Variants in MYH15 observed in about 807,000 individuals in gnomAD.
The protein encoded by MYH15 is myosin-15.
MYH15 carries 227 observed loss-of-function variants against 240.5 expected under a neutral mutation model. The observed-to-expected ratio is 0.94, with a 90% CI of 0.85 to 1.05. MYH15 has a LOEUF of 1.05. Among genes scored for constraint, MYH15 ranks in the 50% least tolerant of loss-of-function variants. The pLI, the probability that MYH15 is intolerant of heterozygous loss-of-function variation, is 0.00. For missense variants in MYH15, 2,217 were observed against 2,247.5 expected (o/e 0.99, Z 0.27); for synonymous variants, 785 against 796.7 (o/e 0.99, Z 0.25).
chr3:108,435,489 G>C (rs916867175), intron 25 of MYH15, among the ~76,000 whole-genome samples: 5 of 151,756 alleles, frequency 3.3e-5, no homozygotes, highest in Non-Finnish European at 7.4e-5. Context: ...CCAGCCCTTG[G>C]CAACCACTTT....
At chr3:108,465,939 A>G (rs1233381043) in intron 14 of MYH15, among the ~76,000 whole-genome samples, 2 of 152,016 alleles carry the variant, frequency 1.3e-5, no homozygotes, top group East Asian at 3.8e-4. Context: ...AAAACAAAAA[A>G]ACAAACAAAA....
At chr3:108,467,268 A>G (rs115292784) in intron 14 of MYH15, among the ~76,000 whole-genome samples, 5,170 of 151,422 alleles carry the variant, frequency 0.034, 119 homozygotes, top group Admixed American at 0.067. Flanking sequence ...TAAAGAGAAT[A>G]CTCATGTGCA....
rs143027731 is a variant in MYH15 at position 108,518,874 on chromosome 3, TTTATTA to T, written c.-57-8293_-57-8288del. ...TGCATCATGATAATTTTCATCCTAT[TTTATTA>T]TTATTTGTTTAATTGCCCATCTTCC... On this transcript the variant is annotated intron_variant, in intron 1 of 41. Transcript: ENST00000273353. Among the ~76,000 whole-genome samples the T allele has an allele frequency of 1.0e-2, 1,521 of 152,334 alleles. 24 individuals are homozygous for T. The highest frequency in any genetic ancestry group is 0.035 in the African/African-American group (1,440 of 41,576).
At chr3:108,513,304 C>T (rs938179990), upstream of MYH15, among the ~76,000 whole-genome samples, 20 of 152,078 alleles carry the variant, frequency 1.3e-4, no homozygotes, top group African/African-American at 3.9e-4. Flanking sequence ...ACATGTTTAT[C>T]GGAGAATTCT....
At chr3:108,446,055 CA>C (rs933290155) in intron 21 of MYH15, among the ~76,000 whole-genome samples, 1 of 152,092 alleles carries the variant, frequency 6.6e-6, no homozygotes, top group African/African-American at 2.4e-5. Flanking sequence ...CATGCAGCCC[CA>C]GACTGCAAGC....
chr3:108,484,953 C>A (rs572657825), intron 11 of MYH15, 138 bp downstream of exon 11: 30 of 874,254 alleles, frequency 3.4e-5, no homozygotes, highest in Admixed American at 2.4e-4. Flanking sequence ...TTGACAGAAC[C>A]GTTTTTGAAG....
At chr3:108,499,626 C>G (rs2083421392) in intron 4 of MYH15, 144 bp from the exon 5 acceptor site, 1 of 783,598 alleles carries the variant, frequency 1.3e-6, no homozygotes, top group Admixed American at 2.6e-5. Context: ...AAAAACATAC[C>G]CCTCAAATGG....
rs756335958 is a variant in MYH15 at position 108,454,051 on chromosome 3, T to C, written c.2354A>G (p.Gln785Arg). The change falls in exon 21 of 41, where the codon CAG becomes CGG. Residue 785 changes from glutamine (Q) to arginine (R), a missense_variant. Physicochemically the swap from Gln to Arg is conservative, Grantham distance 43 (BLOSUM62 1). Transcript: ENST00000693548. ...GAATTTGATTCGCATCAGTTTGCCCTGTGCTCTGGCTTGGAACAATGTGAA... is the reference window on the plus strand; with the variant it reads ...GAATTTGATTCGCATCAGTTTGCCCCGTGCTCTGGCTTGGAACAATGTGAA... Reference protein sequence around the residue: ...KVFTLFQARAQGKLMRIKFQK... With the variant: ...KVFTLFQARARGKLMRIKFQK... 2 of 1,613,014 alleles carry C rather than the reference T, an allele frequency of 1.2e-6. No homozygotes were observed. The highest frequency in any genetic ancestry group is 1.7e-6 in the Non-Finnish European group (2 of 1,179,386).
chr3:108,413,972 C>G (rs964916039), intron 30 of MYH15, among the ~76,000 whole-genome samples: 1 of 152,150 alleles, frequency 6.6e-6, no homozygotes, highest in African/African-American at 2.4e-5. Context: ...TTCCCTTGTG[C>G]CCCTAGAAAG....
At chr3:108,382,881 C>A (rs1251440018) in intron 40 of MYH15, among the ~76,000 whole-genome samples, 1 of 152,166 alleles carries the variant, frequency 6.6e-6, no homozygotes. Flanking sequence ...TGATTCCTTT[C>A]GCCTAAAGCC....
chr3:108,520,579 G>C (rs144610936), intron 1 of MYH15, among the ~76,000 whole-genome samples: 299 of 152,302 alleles, frequency 2.0e-3, no homozygotes, highest in African/African-American at 6.1e-3. Context: ...GCAAGGGTAT[G>C]AGATGTCAGA....
chr3:108,391,589 G>A (rs774169045), intron 37 of MYH15, among the ~76,000 whole-genome samples, 171 bp downstream of exon 37: 4 of 152,094 alleles, frequency 2.6e-5, no homozygotes, highest in Non-Finnish European at 4.4e-5. Flanking sequence ...CCAAAGTCAA[G>A]CAAAGAATGA....
rs796157739 is a variant in MYH15 at position 108,464,875 on chromosome 3, G to T, written c.1555-61C>A. On this transcript the variant is annotated intron_variant, in intron 14 of 40. Coordinates refer to ENST00000693548, the MANE Select transcript of MYH15 (RefSeq NM_014981.3). Reference sequence around the variant, plus strand: ...AAAACACCGGCACTTTCAGTAGGGGGTCAGTATAAATTCTTTCCCAGGAAC... The same window carrying T: ...AAAACACCGGCACTTTCAGTAGGGGTTCAGTATAAATTCTTTCCCAGGAAC... 6.9e-6 allele frequency: 10 copies of T among 1,444,684 alleles called. No homozygotes were observed. In the African/African-American group the frequency reaches 1.0e-4, roughly 14 times the overall value. The allele number at this position is 1,444,684 out of a possible 1,614,324, so 89.5% of individuals were successfully genotyped here. A position where few individuals can be genotyped will look rare whatever the true frequency, so the allele number is the denominator to read the frequency against.
intron 6 of MYH15, 28 bp downstream of exon 6, chr3:108,498,024 T>C (rs747585995): frequency 6.2e-6 from 10 of 1,604,246 alleles, no homozygotes; most frequent in Non-Finnish European, 8.5e-6. Context: ...CCACCTCATC[T>C]TTTCTACCAA....
At chr3:108,457,002 T>A in intron 18 of MYH15, 119 bp from the exon 19 acceptor site, 1 of 706,584 alleles carries the variant, frequency 1.4e-6, no homozygotes, top group South Asian at 1.8e-5. Flanking sequence ...AGTTTCCACA[T>A]GATAGGTCAT....
upstream of MYH15, among the ~76,000 whole-genome samples, chr3:108,533,806 T>C (rs1262330892): frequency 6.6e-6 from 1 of 152,216 alleles, no homozygotes. Flanking sequence ...TAATGGAATC[T>C]GGACATACAA....
In MYH15 at chr3:108,394,173, T is replaced by C. The variant is rs2082442065; in HGVS notation, c.5134-17A>G. 1 of 1,613,654 alleles carries C rather than the reference T, an allele frequency of 6.2e-7. No individual in the cohort carries two copies. The highest frequency in any genetic ancestry group is 8.5e-7 in the Non-Finnish European group (1 of 1,179,896). The stretch of plus-strand genomic sequence containing the variant: ...GCTTGTGTTCTAAAGAAAAGCAGCA[T>C]TCCTATTAGGCAAGTAAAAACCAGC... On this transcript the variant is annotated splice_polypyrimidine_tract_variant and intron_variant, in intron 35 of 40. Transcript: ENST00000693548.
chr3:108,481,705 C>T (rs115683531), intron 11 of MYH15, among the ~76,000 whole-genome samples: 2,513 of 152,066 alleles, frequency 0.017, 34 homozygotes, highest in Non-Finnish European at 0.027. Flanking sequence ...AAATGAGAGA[C>T]GAGAAAATGA....
At chr3:108,439,681 G>A in intron 24 of MYH15, 56 bp downstream of exon 24, 1 of 1,323,806 alleles carries the variant, frequency 7.6e-7, no homozygotes, top group Admixed American at 2.7e-5. Flanking sequence ...AGTAAAAACT[G>A]GAGTTATGTG....
Sources: allele counts gnomAD v4.1 joint callset (sites outside exome capture counted in the v4.1 genomes callset), GRCh38; gene constraint gnomAD v4.1.1; transcripts MANE v1.5; gene names NCBI Gene and HGNC (gene_info 2026-07-23, HGNC 2026-07-21).